Variants in DAB1 observed in about 807,000 individuals in gnomAD.
DAB1 encodes disabled homolog 1.
Under a neutral mutation model 64.6 loss-of-function variants are expected in DAB1, and 15 were observed. That is an observed-to-expected ratio of 0.23 (90% CI 0.16 to 0.36). The LOEUF (loss-of-function observed/expected upper bound fraction) is 0.36. Among genes scored for constraint, DAB1 ranks in the 10% least tolerant of loss-of-function variants. DAB1 has a pLI of 1.00. For synonymous variants in DAB1, 235 were observed against 251.9 expected (o/e 0.93, Z 0.64); for missense variants, 596 against 706.7 (o/e 0.84, Z 1.78).
At chr1:57,841,748 T>C (rs573860672) in intron 1 of DAB1, among the ~76,000 whole-genome samples, 18 of 152,218 alleles carry the variant, frequency 1.2e-4, no homozygotes, top group African/African-American at 4.3e-4. Context: ...CCCAAAACCA[T>C]TTTTCCCTCC....
intron 2 of DAB1, among the ~76,000 whole-genome samples, chr1:57,262,550 T>A (rs1670260781): frequency 6.6e-6 from 1 of 152,228 alleles, no homozygotes; most frequent in Non-Finnish European, 1.5e-5. Flanking sequence ...GCATTGCAAT[T>A]GGCTGACAAG....
chr1:57,812,800 C>G (rs1216461541), intron 6 of DAB1, among the ~76,000 whole-genome samples: 1 of 152,198 alleles, frequency 6.6e-6, no homozygotes, highest in Non-Finnish European at 1.5e-5. Flanking sequence ...GAGGCTCATA[C>G]TAACCCCTTA....
chr1:58,011,052 TGTTA>T (rs1380674972), intron 5 of DAB1, among the ~76,000 whole-genome samples: 2 of 152,218 alleles, frequency 1.3e-5, no homozygotes, highest in Non-Finnish European at 2.9e-5. Context: ...CCTACCCAAA[TGTTA>T]GTTATGAGAC....
At chr1:57,912,216 T>C (rs1052977719) in intron 5 of DAB1, among the ~76,000 whole-genome samples, 1 of 152,198 alleles carries the variant, frequency 6.6e-6, no homozygotes, top group East Asian at 1.9e-4. Context: ...GTCTCCCCCA[T>C]AGCAGTCTGA....
chr1:58,488,680 G>A (rs867093179), intron 3 of DAB1, among the ~76,000 whole-genome samples: 9 of 152,118 alleles, frequency 5.9e-5, no homozygotes, highest in Admixed American at 3.3e-4. Context: ...TTGAACTCCC[G>A]ACCTCAGGTA....
At chr1:57,114,042 T>C (rs1411010565) in intron 4 of DAB1, among the ~76,000 whole-genome samples, 1 of 152,214 alleles carries the variant, frequency 6.6e-6, no homozygotes, top group Non-Finnish European at 1.5e-5. Context: ...CTATGGAAAC[T>C]GACCTGGTCT....
chr1:57,486,457 A>T (rs1348848502), intron 7 of DAB1, among the ~76,000 whole-genome samples: 1 of 152,220 alleles, frequency 6.6e-6, no homozygotes, highest in Non-Finnish European at 1.5e-5. Flanking sequence ...GTCTATGACA[A>T]GCAGCATAGT....
intron 4 of DAB1, among the ~76,000 whole-genome samples, chr1:57,113,812 T>C (rs60150950): frequency 0.011 from 1,724 of 152,300 alleles, 43 homozygotes; most frequent in African/African-American, 0.039. Context: ...TTTTAACTAC[T>C]AGGTATATAT....
chr1:58,143,278 T>C (rs1442056155), intron 5 of DAB1, among the ~76,000 whole-genome samples: 2 of 151,476 alleles, frequency 1.3e-5, no homozygotes, highest in Non-Finnish European at 2.9e-5. Flanking sequence ...TAATCTAGAG[T>C]GGAAAAGAAG....
chr1:58,175,927 A>G (rs916595229), intron 4 of DAB1, among the ~76,000 whole-genome samples: 19 of 152,214 alleles, frequency 1.2e-4, no homozygotes, highest in Admixed American at 1.2e-3. Context: ...CCAAGGTTTT[A>G]AAAAGGAAGC....
chr1:58,024,034 G>GT (rs1159463009), intron 5 of DAB1, among the ~76,000 whole-genome samples: 5 of 152,118 alleles, frequency 3.3e-5, no homozygotes, highest in Admixed American at 6.6e-5. Context: ...TGGCATGAGA[G>GT]TTTTTTATTA....
At chr1:58,424,796 G>T (rs1305943175) in intron 3 of DAB1, among the ~76,000 whole-genome samples, 1 of 152,068 alleles carries the variant, frequency 6.6e-6, no homozygotes, top group Non-Finnish European at 1.5e-5. Context: ...AAAATAATAG[G>T]GCTTGGGGAC....
chr1:58,280,952 G>A (rs537368039), intron 4 of DAB1, among the ~76,000 whole-genome samples: 101 of 152,314 alleles, frequency 6.6e-4, no homozygotes, highest in African/African-American at 2.2e-3. Flanking sequence ...GGCTCTAAGA[G>A]GAGTTGGGAT....
chr1:58,058,231 A>T (rs1648265872), intron 5 of DAB1, among the ~76,000 whole-genome samples: 1 of 152,142 alleles, frequency 6.6e-6, no homozygotes, highest in Non-Finnish European at 1.5e-5. Context: ...TATTTATATT[A>T]ACTCATGTAC....
chr1:58,474,525 CAA>C (rs1225357696), intron 3 of DAB1, among the ~76,000 whole-genome samples: 1 of 152,074 alleles, frequency 6.6e-6, no homozygotes, highest in Admixed American at 6.5e-5. Context: ...TGTTAGGGTC[CAA>C]AAAGTACCCT....
chr1:57,209,846 C>T (rs550728199), intron 2 of DAB1, among the ~76,000 whole-genome samples: 1 of 152,300 alleles, frequency 6.6e-6, no homozygotes, highest in African/African-American at 2.4e-5. Flanking sequence ...CACACACACA[C>T]CAGTCCCTCT....
rs527521480 is a variant in DAB1, at chr1:57,807,520, G to A, written n.551+76479C>T. On this transcript the variant is annotated intron_variant and non_coding_transcript_variant, in intron 6 of 20. Coordinates refer to the DAB1 transcript ENST00000485760. ...ATCAAGATTTTGGTTAACCTGTTTC[G>A]CAGCAATAGATAATTAAAACTTCTT... 1.2e-3 allele frequency among the ~76,000 whole-genome samples: 186 copies of A among 152,046 alleles called. 1 individual carries two copies. Among genetic ancestry groups the A allele is most frequent in the Non-Finnish European group, 2.2e-3 (152 of 68,016 alleles).
intron 1 of DAB1, among the ~76,000 whole-genome samples, chr1:57,366,085 C>T (rs1323890961): frequency 6.6e-6 from 1 of 152,162 alleles, no homozygotes; most frequent in South Asian, 2.1e-4. Context: ...GTGTCCTGCT[C>T]TTTGCAGGAC....
chr1:57,383,116 G>A (rs537577889), intron 1 of DAB1, among the ~76,000 whole-genome samples: 44 of 152,160 alleles, frequency 2.9e-4, no homozygotes, highest in African/African-American at 1.1e-3. Context: ...TAAATAAGGT[G>A]GTAGTGTATA....
Sources: allele counts gnomAD v4.1 joint callset (sites outside exome capture counted in the v4.1 genomes callset), GRCh38; gene constraint gnomAD v4.1.1; transcripts MANE v1.5; gene names NCBI Gene and HGNC (gene_info 2026-07-23, HGNC 2026-07-21).